SYCE1: variants seen among roughly 807,000 people sequenced by gnomAD.
SYCE1 encodes cancer/testis antigen 76.
SYCE1 carries 37 observed loss-of-function variants against 55.1 expected under a neutral mutation model. The observed-to-expected ratio is 0.67, with a 90% CI of 0.52 to 0.88. The LOEUF (loss-of-function observed/expected upper bound fraction) is 0.88. SYCE1 is among the 40% of genes least tolerant of loss of function. SYCE1 has a pLI of 0.00. For synonymous variants in SYCE1, 163 were observed against 159.4 expected, an observed-to-expected ratio of 1.02 and a Z score of -0.17; for missense variants, 399 against 416.4, an observed-to-expected ratio of 0.96 and a Z score of 0.36.
upstream of SYCE1, chr10:133,565,718 T>C (rs1234203619): frequency 3.6e-5 from 21 of 581,990 alleles, no homozygotes; most frequent in Non-Finnish European, 5.2e-5. Context: ...GCGCGAGGGC[T>C]ACAAACGCGG....
At position 133,558,156 on chromosome 10, in the gene SYCE1, G is replaced by A. The variant is rs199850383; in HGVS notation, c.319+11C>T. On this transcript the variant is annotated intron_variant, in intron 5 of 12. Coordinates refer to ENST00000343131, the MANE Select transcript of SYCE1 (RefSeq NM_001143764.3). ...AAGGCACAAGCCTGGAGACAGGGGA[G>A]CGGCAAATACCTTGTTTTTTGCTCA... 8.7e-6 allele frequency: 14 copies of A among 1,614,170 alleles called. No homozygotes were observed. The Admixed American group carries it at 2.0e-4, about 23-fold the overall frequency.
chr10:133,555,401 G>C lies in SYCE1; in HGVS notation c.868C>G (p.Pro290Ala). ...EELEKHGMQV[P>A]AQAQSTQEEE... ...TCTTGTGTGCTCTGGGCTTGGGCAG[G>C]GACTTGCATTCCATGCTTTTCCAGC... Residue 290 changes from proline to alanine, a missense_variant, in exon 12 of 13, where the codon CCT (proline) becomes GCT (alanine). Pro to Ala is a conservative substitution (Grantham distance 27). Transcript: ENST00000343131. 3 of 1,614,164 alleles carry C rather than the reference G, an allele frequency of 1.9e-6. No homozygotes were observed. In the African/African-American group the frequency reaches 4.0e-5, roughly 22 times the overall value.
Position 133,554,906 on chromosome 10 carries a change from C to G in SYCE1, c.*86G>C, listed in dbSNP as rs556071798. ...TGTACCTCTGGCCCAGACCAAGAGG[C>G]AGAGTCAAGCCAAGGCTTCAATCAG... On this transcript the variant is annotated 3_prime_UTR_variant, in exon 13 of 13. Transcript: ENST00000343131. The G allele has an allele frequency of 6.8e-6, 10 of 1,466,004 alleles. No homozygotes were observed. The highest frequency in any genetic ancestry group is 8.1e-6 in the Non-Finnish European group (9 of 1,108,366). 90.8% of individuals were successfully genotyped at this position (1,466,004 alleles called of 1,614,324 possible).
In SYCE1 at chr10:133,565,553, G is replaced by A; in HGVS notation, c.-24C>T. ...ATTTCCTCTCAGCTCGCCAGCGAGG[G>A]TGCCTCGGGAGGGAGCCTCCAGTGG... On this transcript the variant is annotated 5_prime_UTR_variant, in exon 1 of 13. Transcript: ENST00000343131. The A allele has an allele frequency of 6.5e-7, 1 of 1,547,454 alleles. No homozygotes were observed. The highest frequency in any genetic ancestry group is 8.7e-7 in the Non-Finnish European group (1 of 1,146,016).
chr10:133,565,944 C>G (rs1170635856), upstream of SYCE1, among the ~76,000 whole-genome samples: 1 of 152,234 alleles, frequency 6.6e-6, no homozygotes, highest in East Asian at 1.9e-4. Context: ...GCCCTGGCAG[C>G]CTCATGAGGT....
chr10:133,566,928 G>A (rs1238382764), upstream of SYCE1, among the ~76,000 whole-genome samples: 1 of 148,764 alleles, frequency 6.7e-6, no homozygotes, highest in African/African-American at 2.4e-5. Flanking sequence ...GTGTTGTTAG[G>A]GTTAGCTTCA....
intron 8 of SYCE1, chr10:133,556,345 C>T (rs1258516170): frequency 3.7e-6 from 2 of 547,922 alleles, no homozygotes; most frequent in Admixed American, 6.4e-5. Flanking sequence ...GGATCAGGTA[C>T]CGGTTTAGCT....
rs759580210 is a variant in SYCE1 at position 133,557,115 on chromosome 10, G to T, written c.416C>A (p.Ala139Asp). ...MLQECKERIS[A>D]LNLQIEEEKN... ...CTCTTCTTCAATCTGCAAGTTCAGGGCAGAAATTCTCTCCTTGCACTCCTG... is the reference window on the plus strand; with the variant it reads ...CTCTTCTTCAATCTGCAAGTTCAGGTCAGAAATTCTCTCCTTGCACTCCTG... Residue 139 changes from alanine to aspartate, a missense_variant, in exon 7 of 13, where the codon GCC (alanine) becomes GAC (aspartate). Transcript: ENST00000343131. 1 of 1,614,104 alleles carries T rather than the reference G, an allele frequency of 6.2e-7. No homozygotes were observed. The highest frequency in any genetic ancestry group is 8.5e-7 in the Non-Finnish European group (1 of 1,180,020).
upstream of SYCE1, chr10:133,568,065 CAG>C: frequency 1.5e-6 from 1 of 654,106 alleles, no homozygotes; most frequent in Non-Finnish European, 2.8e-6. Context: ...GCCCGGGGGC[CAG>C]ATGTGGTCAC....
upstream of SYCE1, among the ~76,000 whole-genome samples, chr10:133,565,940 G>T (rs1409543158): frequency 6.6e-6 from 1 of 152,248 alleles, no homozygotes; most frequent in Non-Finnish European, 1.5e-5. Flanking sequence ...TGTGGCCCTG[G>T]CAGCCTCATG....
At chr10:133,558,333 C>T (rs1564856744) in intron 4 of SYCE1, 119 bp from the exon 5 acceptor site, 2 of 1,130,382 alleles carry the variant, frequency 1.8e-6, no homozygotes, top group Non-Finnish European at 2.7e-6. Context: ...AAATGTGAAC[C>T]CTTGAGGTGA....
chr10:133,554,283 T>C, downstream of SYCE1: 2 of 1,613,754 alleles, frequency 1.2e-6, no homozygotes, highest in Non-Finnish European at 1.7e-6. Flanking sequence ...GCAGTGAGCC[T>C]CTCTCTTCAA....
rs1851716266 is a variant in SYCE1, at chr10:133,557,560, TAAATG to T, written c.374+299_374+303del. On this transcript the variant is annotated intron_variant, in intron 6 of 12. Transcript: ENST00000343131. ...ATGGACAAATGGTTGGCTCAATGCC[TAAATG>T]AACAGACAGATGAGTGAATAGACAT... The T allele has an allele frequency of 7.8e-6, 4 of 515,352 alleles. No individual in the cohort carries two copies. The East Asian group carries it at 1.4e-4, about 17-fold the overall frequency. The allele number at this position is 515,352 out of a possible 1,614,324, so 31.9% of individuals were successfully genotyped here.
At chr10:133,565,805 G>A (rs1851920875), upstream of SYCE1, among the ~76,000 whole-genome samples, 1 of 152,254 alleles carries the variant, frequency 6.6e-6, no homozygotes, top group African/African-American at 2.4e-5. Context: ...GCGCATGTGC[G>A]CTGGCTTCCG....
At chr10:133,560,854 T>C (rs946244242) in intron 1 of SYCE1, 1 of 152,164 alleles carries the variant, frequency 6.6e-6, no homozygotes, top group African/African-American at 2.4e-5. Flanking sequence ...AAAATAAATA[T>C]CTGAAAATAA....
rs78735087 is a variant in SYCE1, at chr10:133,563,266, C to T, written c.73+2191G>A. ...GGATATGGCTAATGGGCAAGGTGTT[C>T]ATCACTGTATTGTTTATAATAGTGA... On this transcript the variant is annotated intron_variant, in intron 1 of 12. Coordinates refer to ENST00000343131, the MANE Select transcript of SYCE1 (RefSeq NM_001143764.3). Among the ~76,000 whole-genome samples, 25 of 152,306 alleles carry T rather than the reference C, an allele frequency of 1.6e-4. 1 individual carries two copies. In the East Asian group the frequency reaches 4.8e-3, roughly 29 times the overall value.
At chr10:133,564,314 C>A (rs1851878769) in intron 1 of SYCE1, 1 of 910,388 alleles carries the variant, frequency 1.1e-6, no homozygotes, top group African/African-American at 1.8e-5. Flanking sequence ...TGATCTTGAA[C>A]TTCTAGCCTC....
chr10:133,558,762 G>A (rs1851749285), intron 4 of SYCE1, 115 bp downstream of exon 4: 1 of 999,326 alleles, frequency 1.0e-6, no homozygotes, highest in Non-Finnish European at 1.5e-6. Context: ...AGGACATGAG[G>A]CTAGAGAGGG....
rs1338385722 is a variant in SYCE1, at chr10:133,555,019, G to T, written c.1029C>A (p.Gly343=). Residue 343 remains glycine (G), a synonymous_variant, in exon 13 of 13, where the codon GGC becomes GGA. Coordinates refer to ENST00000343131, the MANE Select transcript of SYCE1 (RefSeq NM_001143764.3). ...AAAATAGCTCCTTTATTTCCTGAAA[G>T]CCCCTTGGGCTAAGGTCGGGGTGGA... ...DTLHPDLSPR[G]FQEIKELF The T allele has an allele frequency of 9.7e-6, 15 of 1,549,990 alleles. No homozygotes were observed. In the East Asian group the frequency reaches 3.7e-4, roughly 38 times the overall value.
Sources: allele counts gnomAD v4.1 joint callset (sites outside exome capture counted in the v4.1 genomes callset), GRCh38; gene constraint gnomAD v4.1.1; transcripts MANE v1.5; gene names NCBI Gene and HGNC (gene_info 2026-07-23, HGNC 2026-07-21).